CTNNA3: variants seen among roughly 807,000 people sequenced by gnomAD.
CTNNA3 encodes the protein catenin alpha-3.
A neutral mutation model predicts 95.7 loss-of-function variants in CTNNA3; 76 were observed. That is an observed-to-expected ratio of 0.79 (90% CI 0.66 to 0.96). CTNNA3 has a LOEUF of 0.96. Ranked by LOEUF, CTNNA3 falls within the 40% of genes least tolerant of loss-of-function variation. The probability of loss-of-function intolerance (pLI) is 0.00; values close to 1 mark genes in which losing one functional copy is unlikely to be tolerated. For missense variants in CTNNA3, 1,191 were observed against 1,089.8 expected (o/e 1.09, Z -1.31); for synonymous variants, 431 against 374.4 (o/e 1.15, Z -1.74).
intron 7 of CTNNA3, among the ~76,000 whole-genome samples, chr10:67,174,686 A>G (rs566427050): frequency 3.9e-4 from 59 of 152,254 alleles, no homozygotes; most frequent in African/African-American, 1.3e-3. Context: ...CCAGATCCCC[A>G]CTATTTATTA....
At chr10:66,619,153 T>G (rs373866692) in intron 10 of CTNNA3, among the ~76,000 whole-genome samples, 4 of 151,114 alleles carry the variant, frequency 2.6e-5, no homozygotes, top group Non-Finnish European at 5.9e-5. Flanking sequence ...GTCAGTGTGG[T>G]GATTCCTCAG....
At chr10:66,306,257 C>A (rs886770764) in intron 12 of CTNNA3, among the ~76,000 whole-genome samples, 6 of 152,190 alleles carry the variant, frequency 3.9e-5, no homozygotes, top group Non-Finnish European at 7.4e-5. Context: ...TGACTTTCAG[C>A]AAATCACATA....
intron 7 of CTNNA3, among the ~76,000 whole-genome samples, chr10:67,146,247 T>C (rs1261130928): frequency 6.6e-6 from 1 of 152,228 alleles, no homozygotes; most frequent in Non-Finnish European, 1.5e-5. Context: ...CCTAGCTCTC[T>C]GTGAATTGCA....
intron 3 of CTNNA3, among the ~76,000 whole-genome samples, chr10:67,575,666 G>C (rs565222387): frequency 1.7e-4 from 26 of 152,220 alleles, no homozygotes; most frequent in Non-Finnish European, 2.8e-4. Context: ...AGATTCTTTG[G>C]ATTCTAGTGG....
At chr10:67,087,679 GCCCTC>G (rs927912097) in intron 7 of CTNNA3, among the ~76,000 whole-genome samples, 28 of 152,004 alleles carry the variant, frequency 1.8e-4, no homozygotes, top group African/African-American at 6.7e-4. Context: ...ACTCATTTTA[GCCCTC>G]TACCTCTAAG....
chr10:67,757,593 G>A (rs2131754752), intron 1 of CTNNA3, among the ~76,000 whole-genome samples: 1 of 152,312 alleles, frequency 6.6e-6, no homozygotes, highest in Non-Finnish European at 1.5e-5. Flanking sequence ...TGTGGTGGAT[G>A]CTTCCTGCCC....
At chr10:67,468,872 G>A (rs554516587) in intron 5 of CTNNA3, among the ~76,000 whole-genome samples, 53 of 152,148 alleles carry the variant, frequency 3.5e-4, no homozygotes, top group African/African-American at 1.1e-3. Context: ...GAAATGAGGG[G>A]GTTTCTTTGT....
intron 10 of CTNNA3, among the ~76,000 whole-genome samples, chr10:66,600,892 T>C (rs1444030079): frequency 6.6e-6 from 1 of 151,964 alleles, no homozygotes; most frequent in Non-Finnish European, 1.5e-5. Flanking sequence ...TAGAAAAGTC[T>C]ATGTTCTTTG....
chr10:66,693,982 AG>A (rs1369837246), intron 9 of CTNNA3, among the ~76,000 whole-genome samples: 1 of 152,096 alleles, frequency 6.6e-6, no homozygotes, highest in Non-Finnish European at 1.5e-5. Flanking sequence ...GGAAATTTAT[AG>A]CACTAAATGC....
chr10:67,163,149 C>A (rs190093089), intron 7 of CTNNA3, among the ~76,000 whole-genome samples: 113 of 151,784 alleles, frequency 7.4e-4, no homozygotes, highest in Non-Finnish European at 9.9e-4. Context: ...ACCATGATAC[C>A]AAAAACAAAG....
chr10:66,425,702 A>G (rs1238808821), intron 11 of CTNNA3, among the ~76,000 whole-genome samples: 1 of 149,242 alleles, frequency 6.7e-6, no homozygotes. Flanking sequence ...ACACACACAT[A>G]TATACACACA....
chr10:66,306,444 A>G (rs1246907625), intron 12 of CTNNA3, among the ~76,000 whole-genome samples: 1 of 83,368 alleles, frequency 1.2e-5, no homozygotes, highest in Non-Finnish European at 2.4e-5. Flanking sequence ...GTGTTTCTCA[A>G]TAATGCACTT....
At chr10:67,276,840 TA>T (rs1341691960) in intron 5 of CTNNA3, among the ~76,000 whole-genome samples, 1 of 151,878 alleles carries the variant, frequency 6.6e-6, no homozygotes, top group Non-Finnish European at 1.5e-5. Context: ...TATTCTATAA[TA>T]AAGGTTTAAG....
intron 11 of CTNNA3, among the ~76,000 whole-genome samples, chr10:66,478,383 T>A (rs1451497781): frequency 1.3e-5 from 2 of 152,056 alleles, no homozygotes; most frequent in African/African-American, 2.4e-5. Flanking sequence ...AATAAAATCT[T>A]CAAGAATATT....
chr10:67,044,896 C>G (rs1405031658), intron 7 of CTNNA3, among the ~76,000 whole-genome samples: 2 of 152,092 alleles, frequency 1.3e-5, no homozygotes, highest in African/African-American at 4.8e-5. Context: ...ACCTTCTTAG[C>G]GCCTCTATTT....
intron 15 of CTNNA3, among the ~76,000 whole-genome samples, chr10:66,001,811 C>G (rs531999514): frequency 6.6e-6 from 1 of 152,164 alleles, no homozygotes; most frequent in Non-Finnish European, 1.5e-5. Context: ...ACAATACTTG[C>G]CAGATAACAT....
intron 7 of CTNNA3, among the ~76,000 whole-genome samples, chr10:67,137,762 A>T (rs918453249): frequency 2.0e-5 from 3 of 152,084 alleles, no homozygotes; most frequent in African/African-American, 4.8e-5. Context: ...AAATCCTTTT[A>T]AAAAAAGAGT....
intron 10 of CTNNA3, among the ~76,000 whole-genome samples, chr10:66,591,200 G>T (rs1400548191): frequency 6.6e-6 from 1 of 152,088 alleles, no homozygotes; most frequent in Non-Finnish European, 1.5e-5. Flanking sequence ...TCAGCAGGTT[G>T]GAAAATTACC....
intron 10 of CTNNA3, among the ~76,000 whole-genome samples, chr10:66,578,164 T>A (rs10997245): frequency 0.29 from 43,656 of 151,812 alleles, 6,688 homozygotes; most frequent in Middle Eastern, 0.42. Flanking sequence ...TGATTTTTAC[T>A]CATAGATTTT....
Sources: allele counts gnomAD v4.1 joint callset (sites outside exome capture counted in the v4.1 genomes callset), GRCh38; gene constraint gnomAD v4.1.1; transcripts MANE v1.5; gene names NCBI Gene and HGNC (gene_info 2026-07-23, HGNC 2026-07-21).